The following CSMD3 variants were observed in gnomAD, a reference collection of about 807,000 sequenced individuals.
The protein encoded by CSMD3 is CUB and sushi domain-containing protein 3.
In CSMD3, 177 loss-of-function variants were observed where a neutral mutation model predicts 435.2. The observed-to-expected ratio is 0.41, with a 90% CI of 0.36 to 0.46. The LOEUF (loss-of-function observed/expected upper bound fraction) is 0.46, where lower values mean the gene tolerates loss of function less well. CSMD3 is among the 20% of genes least tolerant of loss of function. The pLI is 0.34. For missense variants in CSMD3, 4,265 were observed against 4,504.6 expected (o/e 0.95, Z 1.52); for synonymous variants, 1,656 against 1,520.5 (o/e 1.09, Z -2.07).
At chr8:112,312,203 T>A (rs1548986) in intron 49 of CSMD3, among the ~76,000 whole-genome samples, 1 of 152,084 alleles carries the variant, frequency 6.6e-6, no homozygotes, top group African/African-American at 2.4e-5. Flanking sequence ...TATAGAAACA[T>A]AAGCTCAAGT....
At chr8:113,162,225 G>A (rs919117653) in intron 4 of CSMD3, among the ~76,000 whole-genome samples, 3 of 152,000 alleles carry the variant, frequency 2.0e-5, no homozygotes, top group African/African-American at 4.8e-5. Context: ...AAAATGGAAA[G>A]AGGAAGTTGT....
At chr8:112,786,596 A>G (rs1325521980) in intron 13 of CSMD3, among the ~76,000 whole-genome samples, 1 of 152,092 alleles carries the variant, frequency 6.6e-6, no homozygotes, top group Non-Finnish European at 1.5e-5. Context: ...AAAAATGGGC[A>G]AAGATCTAAT....
intron 13 of CSMD3, among the ~76,000 whole-genome samples, chr8:112,692,833 T>A (rs1586983773): frequency 6.6e-6 from 1 of 152,162 alleles, no homozygotes; most frequent in Non-Finnish European, 1.5e-5. Context: ...TTTATGACAG[T>A]ATATTATTAT....
intron 66 of CSMD3, among the ~76,000 whole-genome samples, chr8:112,237,983 T>A (rs1813749551): frequency 6.6e-6 from 1 of 152,012 alleles, no homozygotes; most frequent in South Asian, 2.1e-4. Flanking sequence ...TGTGGTAGAA[T>A]CAAAGAACAT....
In CSMD3 at chr8:112,335,401, T is replaced by C. The variant is rs1415368746; in HGVS notation, c.7093A>G (p.Thr2365Ala). ...GNTALESVYS[T>A]SNQILIKFHS... ...AATTTGATTAGAATCTGATTTGAAG[T>C]ACTGTAGACTGATTCCAAAGCGGTA... Residue 2365 changes from threonine to alanine, a missense_variant, in exon 45 of 71, where the codon ACT becomes GCT. Transcript: ENST00000297405. 2 of 1,613,790 alleles carry C rather than the reference T, an allele frequency of 1.2e-6. No homozygotes were observed. Among genetic ancestry groups the C allele is most frequent in the East Asian group, 2.2e-5 (1 of 44,856 alleles).
intron 59 of CSMD3, among the ~76,000 whole-genome samples, chr8:112,272,467 A>C (rs899178681): frequency 2.0e-5 from 3 of 152,178 alleles, no homozygotes; most frequent in African/African-American, 7.2e-5. Flanking sequence ...CAATTATAAC[A>C]CATCAAAATT....
At chr8:112,306,550 A>G (rs1821439495) in intron 50 of CSMD3, among the ~76,000 whole-genome samples, 1 of 152,216 alleles carries the variant, frequency 6.6e-6, no homozygotes, top group African/African-American at 2.4e-5. Context: ...GGACCATCAT[A>G]TAGCAAGTTT....
chr8:112,782,441 T>C (rs189367761), intron 13 of CSMD3, among the ~76,000 whole-genome samples: 14 of 151,958 alleles, frequency 9.2e-5, no homozygotes, highest in Admixed American at 2.0e-4. Context: ...GCCTAAAAGA[T>C]CTACAAAATA....
At chr8:112,860,630 A>AATTTT (rs1227030329) in intron 10 of CSMD3, among the ~76,000 whole-genome samples, 84 of 151,878 alleles carry the variant, frequency 5.5e-4, no homozygotes, top group African/African-American at 2.0e-3. Context: ...TAAATGTAGT[A>AATTTT]TCTCTTCATT....
chr8:112,594,543 G>A (rs986958330), intron 22 of CSMD3, among the ~76,000 whole-genome samples: 23 of 152,222 alleles, frequency 1.5e-4, no homozygotes, highest in Non-Finnish European at 3.1e-4. Flanking sequence ...GCCTGCCTCT[G>A]TAGGCTCCAC....
chr8:113,428,760 A>G (rs1233096425), intron 1 of CSMD3, among the ~76,000 whole-genome samples: 2 of 151,892 alleles, frequency 1.3e-5, no homozygotes, highest in Non-Finnish European at 3.0e-5. Flanking sequence ...AGTCAATCAG[A>G]TAAACTTGTA....
At chr8:112,463,774 G>A (rs952805481) in intron 32 of CSMD3, among the ~76,000 whole-genome samples, 2 of 152,144 alleles carry the variant, frequency 1.3e-5, no homozygotes, top group Non-Finnish European at 2.9e-5. Flanking sequence ...TATTGGTTGT[G>A]TGTGTCAAGC....
chr8:113,404,234 A>G (rs2094522506), intron 1 of CSMD3, among the ~76,000 whole-genome samples: 1 of 151,452 alleles, frequency 6.6e-6, no homozygotes, highest in Admixed American at 6.6e-5. Flanking sequence ...TAATAAAATT[A>G]ATGAAATGCA....
chr8:113,330,782 A>G (rs1193948984), intron 1 of CSMD3, among the ~76,000 whole-genome samples: 1 of 151,898 alleles, frequency 6.6e-6, no homozygotes, highest in Non-Finnish European at 1.5e-5. Flanking sequence ...AAATACATGG[A>G]AAAAATGGCA....
chr8:112,352,764 G>A (rs1294378038), intron 38 of CSMD3, among the ~76,000 whole-genome samples: 1 of 152,094 alleles, frequency 6.6e-6, no homozygotes, highest in Admixed American at 6.6e-5. Context: ...CAGTCATTAA[G>A]CTAGCTGTGT....
chr8:112,472,629 T>C lies in CSMD3; in HGVS notation c.5357A>G (p.His1786Arg). Residue 1786 changes from histidine (H) to arginine (R), a missense_variant, in exon 32 of 71, where the codon CAT (histidine) becomes CGT (arginine). His to Arg is a conservative substitution (Grantham distance 29). Coordinates refer to ENST00000297405, the MANE Select transcript of CSMD3 (RefSeq NM_198123.2). The part of the protein sequence containing the change: ...PNYPKNYSVG[H>R]NCVYSIAVPK... ...AACTGCTATAGAATAAACACAATTATGTCCCACACTGTAATTTTTTGGATA... is the reference window on the plus strand; with the variant it reads ...AACTGCTATAGAATAAACACAATTACGTCCCACACTGTAATTTTTTGGATA... 3 of 1,608,440 alleles carry C rather than the reference T, an allele frequency of 1.9e-6. No individual in the cohort carries two copies. The highest frequency in any genetic ancestry group is 2.6e-6 in the Non-Finnish European group (3 of 1,175,038).
In CSMD3 at chr8:113,278,798, A is replaced by G. The variant is rs527989163; in HGVS notation, c.402-94T>C. The G allele has an allele frequency of 2.2e-4, 156 of 695,088 alleles. 3 individuals carry two copies. The highest frequency in any genetic ancestry group is 2.2e-3 in the South Asian group (149 of 66,426). 43.1% of individuals were successfully genotyped at this position (695,088 alleles called of 1,614,324 possible). ...AGTCATATTTAAAAAAAATAATAAA[A>G]CAGATTTTCTCCTATAATTTCCAGA... On this transcript the variant is annotated intron_variant, in intron 2 of 70. Transcript: ENST00000297405.
chr8:112,460,697 T>C (rs1347530054), intron 32 of CSMD3, among the ~76,000 whole-genome samples: 5 of 152,172 alleles, frequency 3.3e-5, no homozygotes, highest in Non-Finnish European at 7.4e-5. Flanking sequence ...ATTTGTTATA[T>C]AAAATATTGC....
intron 12 of CSMD3, among the ~76,000 whole-genome samples, chr8:112,821,618 T>C (rs779607953): frequency 5.3e-5 from 8 of 152,220 alleles, no homozygotes; most frequent in Non-Finnish European, 1.2e-4. Context: ...ACTCTGATGA[T>C]AGTTTACTTT....
Sources: allele counts gnomAD v4.1 joint callset (sites outside exome capture counted in the v4.1 genomes callset), GRCh38; gene constraint gnomAD v4.1.1; transcripts MANE v1.5; gene names NCBI Gene and HGNC (gene_info 2026-07-23, HGNC 2026-07-21).